Variants in SLC4A10 observed in about 807,000 individuals in gnomAD.
SLC4A10 encodes sodium-driven chloride bicarbonate exchanger.
Under a neutral mutation model 137.7 loss-of-function variants are expected in SLC4A10, and 42 were observed. That is an observed-to-expected ratio of 0.30 (90% CI 0.24 to 0.39). The LOEUF (loss-of-function observed/expected upper bound fraction) is 0.39, where lower values mean the gene tolerates loss of function less well. SLC4A10 is among the 10% of genes least tolerant of loss of function. The pLI is 1.00. For synonymous variants in SLC4A10, 474 were observed against 464.1 expected, an observed-to-expected ratio of 1.02 and a Z score of -0.27; for missense variants, 925 against 1,355.0, an observed-to-expected ratio of 0.68 and a Z score of 4.98.
At chr2:161,698,884 T>C (rs2042837746) in intron 1 of SLC4A10, among the ~76,000 whole-genome samples, 1 of 152,186 alleles carries the variant, frequency 6.6e-6, no homozygotes, top group Admixed American at 6.5e-5. Flanking sequence ...GAAGGAATGG[T>C]AGCAGCTCCT....
intron 1 of SLC4A10, among the ~76,000 whole-genome samples, chr2:161,716,454 T>C (rs2044888243): frequency 6.6e-6 from 1 of 152,180 alleles, no homozygotes. Context: ...AGGGTTTTTA[T>C]AATTTTGGGT....
At chr2:161,713,911 A>C (rs1052263078) in intron 1 of SLC4A10, among the ~76,000 whole-genome samples, 1 of 151,862 alleles carries the variant, frequency 6.6e-6, no homozygotes, top group African/African-American at 2.4e-5. Flanking sequence ...TAGATGTGAC[A>C]GCTGGGATGT....
chr2:161,728,361 G>T (rs769091346), intron 1 of SLC4A10, among the ~76,000 whole-genome samples: 1 of 152,124 alleles, frequency 6.6e-6, no homozygotes, highest in Non-Finnish European at 1.5e-5. Flanking sequence ...AATTATCTGA[G>T]GTCAGGAGTT....
At position 161,983,269 on chromosome 2, in the gene SLC4A10, C is replaced by T. The variant is rs778552736; in HGVS notation, c.*117C>T. 6.6e-7 allele frequency: 1 copy of T among 1,526,552 alleles called. No individual in the cohort carries two copies. Among genetic ancestry groups the T allele is most frequent in the Non-Finnish European group, 8.8e-7 (1 of 1,138,708 alleles). The allele number at this position is 1,526,552 out of a possible 1,614,324, so 94.6% of individuals were successfully genotyped here. A position where few individuals can be genotyped will look rare whatever the true frequency, so the allele number is the denominator to read the frequency against. On this transcript the variant is annotated 3_prime_UTR_variant, in exon 27 of 27. Transcript: ENST00000446997. ...GACTCGATCTTCAATTTATTTTTTA[C>T]ATATATATGAGAAGAGTGTCACAAT...
At position 161,730,108 on chromosome 2, in the gene SLC4A10, T is replaced by C. The variant is rs372945634; in HGVS notation, c.49-40865T>C. ...GTCTAAGCTGTACTTCACAGAACAA[T>C]ACATTAATTAATTAACAGCTGATAA... On this transcript the variant is annotated intron_variant, in intron 1 of 26. Coordinates refer to ENST00000446997, the MANE Select transcript of SLC4A10 (RefSeq NM_001178015.2). Among the ~76,000 whole-genome samples the C allele has an allele frequency of 3.2e-4, 48 of 152,302 alleles. No homozygotes were observed. The South Asian group carries it at 5.6e-3, about 18-fold the overall frequency.
At chr2:161,944,057 T>C (rs1693245808) in intron 16 of SLC4A10, among the ~76,000 whole-genome samples, 1 of 151,946 alleles carries the variant, frequency 6.6e-6, no homozygotes, top group African/African-American at 2.4e-5. Flanking sequence ...CTTCAGTTAC[T>C]CTTATTGTTT....
At chr2:161,939,350 C>A (rs1295176067) in intron 15 of SLC4A10, among the ~76,000 whole-genome samples, 1 of 152,102 alleles carries the variant, frequency 6.6e-6, no homozygotes, top group Non-Finnish European at 1.5e-5. Context: ...GCTGGAATTA[C>A]AGATGTGAGC....
At chr2:161,660,869 C>T (rs2038293038) in intron 1 of SLC4A10, among the ~76,000 whole-genome samples, 1 of 150,882 alleles carries the variant, frequency 6.6e-6, no homozygotes, top group South Asian at 2.1e-4. Flanking sequence ...ACCATGTTAG[C>T]CAGGATGGTC....
chr2:161,761,393 G>T (rs182000621), intron 1 of SLC4A10, among the ~76,000 whole-genome samples: 1 of 152,066 alleles, frequency 6.6e-6, no homozygotes, highest in East Asian at 1.9e-4. Flanking sequence ...GCATTTATGA[G>T]CAAATTAACA....
intron 3 of SLC4A10, among the ~76,000 whole-genome samples, chr2:161,817,801 A>G (rs551637344): frequency 2.0e-5 from 3 of 151,904 alleles, no homozygotes; most frequent in Admixed American, 6.6e-5. Context: ...GATATGCGGC[A>G]TTATTTCTGA....
Position 161,941,330 on chromosome 2 carries a change from T to C in SLC4A10, c.1998-1462T>C, listed in dbSNP as rs116132982. On this transcript the variant is annotated intron_variant, in intron 15 of 26. Transcript: ENST00000446997. Reference sequence around the variant, plus strand: ...TGCAAGTGGGAAATGGAGCCTCTGGTTAAAACTGAAAAGCAGGTGCTTCGA... The same window carrying C: ...TGCAAGTGGGAAATGGAGCCTCTGGCTAAAACTGAAAAGCAGGTGCTTCGA... Among the ~76,000 whole-genome samples the C allele has an allele frequency of 7.5e-3, 1,144 of 152,104 alleles. 20 individuals are homozygous for C. Among genetic ancestry groups the C allele is most frequent in the African/African-American group, 0.026 (1,086 of 41,504 alleles).
intron 2 of SLC4A10, among the ~76,000 whole-genome samples, chr2:161,780,584 A>G (rs1386818840): frequency 6.6e-6 from 1 of 152,040 alleles, no homozygotes; most frequent in East Asian, 1.9e-4. Context: ...TTTTTCTATT[A>G]TGATCCCTTT....
intron 15 of SLC4A10, among the ~76,000 whole-genome samples, chr2:161,921,321 T>C (rs931615012): frequency 3.9e-5 from 6 of 152,144 alleles, no homozygotes; most frequent in East Asian, 3.9e-4. Context: ...TGGGGACCAA[T>C]TGGCAGAGAG....
chr2:161,833,135 A>G (rs1449876609), intron 3 of SLC4A10, among the ~76,000 whole-genome samples: 1 of 152,222 alleles, frequency 6.6e-6, no homozygotes, highest in East Asian at 1.9e-4. Flanking sequence ...AAACCAGGCA[A>G]ATTATTAGAA....
intron 1 of SLC4A10, among the ~76,000 whole-genome samples, chr2:161,765,851 C>A (rs1274187725): frequency 1.3e-5 from 2 of 152,048 alleles, no homozygotes; most frequent in Non-Finnish European, 2.9e-5. Flanking sequence ...AAAAGGCTGG[C>A]ACCTGGTGCT....
At chr2:161,815,965 T>C (rs1039967613) in intron 3 of SLC4A10, among the ~76,000 whole-genome samples, 3 of 152,184 alleles carry the variant, frequency 2.0e-5, no homozygotes, top group African/African-American at 7.2e-5. Flanking sequence ...TGTTTGGCAC[T>C]TGGTGGTTTC....
chr2:161,801,638 G>A (rs559084920), intron 2 of SLC4A10, among the ~76,000 whole-genome samples: 79 of 152,152 alleles, frequency 5.2e-4, no homozygotes, highest in African/African-American at 1.9e-3. Flanking sequence ...CAGTTAAGAC[G>A]TAGCAACTTA....
chr2:161,831,947 C>A (rs1035770081), intron 3 of SLC4A10, among the ~76,000 whole-genome samples: 13 of 152,074 alleles, frequency 8.5e-5, no homozygotes, highest in Non-Finnish European at 1.8e-4. Context: ...GCACTAAGTG[C>A]CTTTGTGCCT....
In SLC4A10 at chr2:161,839,885, G is replaced by A. The variant is rs372570626; in HGVS notation, c.374G>A (p.Cys125Tyr). Residue 125 changes from cysteine (C) to tyrosine (Y), a missense_variant, in exon 4 of 27, where the codon TGT (cysteine) becomes TAT (tyrosine). By Grantham distance (194) the Cys-to-Tyr change is radical. Coordinates refer to ENST00000446997, the MANE Select transcript of SLC4A10 (RefSeq NM_001178015.2). ...HDLFTELDEI[C>Y]WREGEDAEWR... ...CTTTTCACAGAACTGGATGAGATTT[G>A]TTGGCGTGAAGGTGAGGACGCTGAG... 6.2e-7 allele frequency: 1 copy of A among 1,613,964 alleles called. No individual in the cohort carries two copies. The highest frequency in any genetic ancestry group is 2.2e-5 in the East Asian group (1 of 44,892).
Sources: allele counts gnomAD v4.1 joint callset (sites outside exome capture counted in the v4.1 genomes callset), GRCh38; gene constraint gnomAD v4.1.1; transcripts MANE v1.5; gene names NCBI Gene and HGNC (gene_info 2026-07-23, HGNC 2026-07-21).